HKDC1: variants seen among roughly 807,000 people sequenced by gnomAD.
HKDC1 encodes the protein hexokinase HKDC1.
Under a neutral mutation model 96.6 loss-of-function variants are expected in HKDC1, and 66 were observed. The observed-to-expected ratio is 0.68, with a 90% CI of 0.56 to 0.84. HKDC1 has a LOEUF of 0.84. Ranked by LOEUF, HKDC1 falls within the 40% of genes least tolerant of loss-of-function variation. The probability of loss-of-function intolerance (pLI) is 0.00; values close to 1 mark genes in which losing one functional copy is unlikely to be tolerated. For synonymous variants in HKDC1, 466 were observed against 473.1 expected (o/e 0.98, Z 0.20); for missense variants, 1,211 against 1,208.1 (o/e 1.00, Z -0.04).
At chr10:69,234,423 T>A (rs977538377) in intron 4 of HKDC1, among the ~76,000 whole-genome samples, 1 of 152,270 alleles carries the variant, frequency 6.6e-6, no homozygotes, top group Non-Finnish European at 1.5e-5. Context: ...TATTTATTTT[T>A]ATTTTTTTCT....
chr10:69,251,753 G>C (rs533997395), intron 12 of HKDC1, among the ~76,000 whole-genome samples: 7 of 146,540 alleles, frequency 4.8e-5, no homozygotes, highest in African/African-American at 1.2e-4. Context: ...AAATGGAATT[G>C]TTTTCTTTTC....
chr10:69,243,075 A>T, intron 6 of HKDC1, 107 bp from the exon 7 acceptor site: 1 of 1,144,238 alleles, frequency 8.7e-7, no homozygotes, highest in Non-Finnish European at 1.3e-6. Flanking sequence ...AGGGAATGAA[A>T]AGCACTTTGT....
At chr10:69,236,502 C>T (rs374248610) in intron 4 of HKDC1, among the ~76,000 whole-genome samples, 1 of 151,358 alleles carries the variant, frequency 6.6e-6, no homozygotes, top group East Asian at 2.0e-4. Context: ...AAGGAGAGGC[C>T]GGGCACAGTG....
In HKDC1 at chr10:69,237,724, G is replaced by A. The variant is rs539440234; in HGVS notation, c.496-1318G>A. 2.6e-5 allele frequency among the ~76,000 whole-genome samples: 4 copies of A among 152,318 alleles called. No homozygotes were observed. The South Asian group carries it at 6.2e-4, about 24-fold the overall frequency. ...CCCTGGAGACAGGGATGTTGTCATA[G>A]CCTATGAGAGCAGAAGTTAGGGAGA... On this transcript the variant is annotated intron_variant, in intron 4 of 17. Transcript: ENST00000354624.
chr10:69,245,219 T>C (rs1843521591), intron 7 of HKDC1, among the ~76,000 whole-genome samples: 1 of 152,208 alleles, frequency 6.6e-6, no homozygotes, highest in Admixed American at 6.5e-5. Context: ...AGACTTTTTA[T>C]AGTGAACTAT....
chr10:69,237,489 C>T (rs1843380947), intron 4 of HKDC1, among the ~76,000 whole-genome samples: 1 of 152,168 alleles, frequency 6.6e-6, no homozygotes, highest in Non-Finnish European at 1.5e-5. Context: ...ATATTAAATA[C>T]AAGTGTTATC....
At chr10:69,224,575 G>A (rs891338358) in intron 1 of HKDC1, among the ~76,000 whole-genome samples, 5 of 152,168 alleles carry the variant, frequency 3.3e-5, no homozygotes, top group African/African-American at 9.7e-5. Flanking sequence ...GAGCCACTGC[G>A]CCCGGCCTTG....
chr10:69,250,061 G>A (rs1335672017), intron 10 of HKDC1, among the ~76,000 whole-genome samples: 1 of 152,212 alleles, frequency 6.6e-6, no homozygotes, highest in Non-Finnish European at 1.5e-5. Flanking sequence ...GGTGGTGCCT[G>A]GGACTTTACC....
rs565372898 is a variant in HKDC1 at position 69,265,208 on chromosome 10, G to A, written c.2373-377G>A. 207 of 204,980 alleles carry A rather than the reference G, an allele frequency of 1.0e-3. 1 individual carries two copies. The highest frequency in any genetic ancestry group is 1.4e-3 in the Non-Finnish European group (145 of 103,158). 12.7% of individuals were successfully genotyped at this position (204,980 alleles called of 1,614,324 possible). A position where few individuals can be genotyped will look rare whatever the true frequency, so the allele number is the denominator to read the frequency against. On this transcript the variant is annotated intron_variant, in intron 16 of 17. Coordinates refer to ENST00000354624, the MANE Select transcript of HKDC1 (RefSeq NM_025130.4). ...AAAGTGCGAGAGGTGGTGTGAAAAGGCTTGAATTTGAGCCCCTGCTCTCTA... is the reference window on the plus strand; with the variant it reads ...AAAGTGCGAGAGGTGGTGTGAAAAGACTTGAATTTGAGCCCCTGCTCTCTA...
At chr10:69,255,682 C>T (rs1381472824) in intron 12 of HKDC1, among the ~76,000 whole-genome samples, 2 of 152,000 alleles carry the variant, frequency 1.3e-5, no homozygotes, top group African/African-American at 2.4e-5. Flanking sequence ...TTTGGGAGGC[C>T]GAGGAGGGTG....
chr10:69,234,147 G>A (rs1012342213), intron 4 of HKDC1, among the ~76,000 whole-genome samples: 3 of 152,116 alleles, frequency 2.0e-5, no homozygotes, highest in Non-Finnish European at 2.9e-5. Context: ...TAGTCTCCCC[G>A]GGCCACTCCT....
At chr10:69,226,263 A>G (rs1460482963) in intron 1 of HKDC1, among the ~76,000 whole-genome samples, 1 of 152,182 alleles carries the variant, frequency 6.6e-6, no homozygotes, top group Non-Finnish European at 1.5e-5. Context: ...TCCTGGTTAC[A>G]TGAGTGACAT....
At chr10:69,225,828 A>G (rs1843146198) in intron 1 of HKDC1, 1 of 152,326 alleles carries the variant, frequency 6.6e-6, no homozygotes, top group Non-Finnish European at 1.5e-5. Flanking sequence ...TCACCTGGGG[A>G]CAAGAACTTT....
In HKDC1 at chr10:69,232,753, T is replaced by C; in HGVS notation, c.227-11T>C. 6.2e-7 allele frequency: 1 copy of C among 1,613,734 alleles called. No homozygotes were observed. The highest frequency in any genetic ancestry group is 8.5e-7 in the Non-Finnish European group (1 of 1,179,708). On this transcript the variant is annotated splice_polypyrimidine_tract_variant and intron_variant, in intron 2 of 17. Transcript: ENST00000354624. ...CCTCAATAAATGGAAACTGAATTTG[T>C]TTCTTAATAGAAAATGGGGAGTTCC...
chr10:69,235,033 C>T (rs542848048), intron 4 of HKDC1, among the ~76,000 whole-genome samples: 95 of 152,148 alleles, frequency 6.2e-4, no homozygotes, highest in Non-Finnish European at 9.7e-4. Context: ...GAGGCTGAGG[C>T]GGGAGGATTG....
Position 69,233,034 on chromosome 10 carries a change from C to G in HKDC1, c.396C>G (p.Asp132Glu). 1 of 1,614,138 alleles carries G rather than the reference C, an allele frequency of 6.2e-7. No homozygotes were observed. Among genetic ancestry groups the G allele is most frequent in the South Asian group, 1.1e-5 (1 of 91,090 alleles). ...NGTELFEYVA[D>E]CLADFMKTKD... The stretch of plus-strand genomic sequence containing the variant: ...TGCAGCTGTTTGAATATGTAGCTGA[C>G]TGTCTGGCAGATTTCATGAAGACCA... Residue 132 changes from aspartate (D) to glutamate (E), a missense_variant, in exon 4 of 18, where the codon GAC becomes GAG. Asp to Glu is a conservative substitution (Grantham distance 45). Transcript: ENST00000354624.
At chr10:69,229,751 C>T (rs1231239938) in intron 2 of HKDC1, among the ~76,000 whole-genome samples, 12 of 152,186 alleles carry the variant, frequency 7.9e-5, no homozygotes, top group Admixed American at 4.6e-4. Flanking sequence ...TCCCCATCCC[C>T]GTCTCCGCAG....
In HKDC1 at chr10:69,267,401, A is replaced by T. The variant is rs1322280185; in HGVS notation, c.*644A>T. 2.3e-6 allele frequency: 1 copy of T among 436,256 alleles called. No homozygotes were observed. The highest frequency in any genetic ancestry group is 2.1e-5 in the African/African-American group (1 of 48,634). The allele number at this position is 436,256 out of a possible 1,614,324, so 27.0% of individuals were successfully genotyped here. A position where few individuals can be genotyped will look rare whatever the true frequency, so the allele number is the denominator to read the frequency against. On this transcript the variant is annotated 3_prime_UTR_variant, in exon 18 of 18. Coordinates refer to ENST00000354624, the MANE Select transcript of HKDC1 (RefSeq NM_025130.4). ...AGCACCCTGTAGGATTTTGTTCCTT[A>T]TTAAGTGTGTGCCATGTGGTGGGGT...
At chr10:69,242,734 T>C (rs1018428641) in intron 6 of HKDC1, among the ~76,000 whole-genome samples, 1 of 152,214 alleles carries the variant, frequency 6.6e-6, no homozygotes, top group Admixed American at 6.5e-5. Context: ...ATGCAGCTTA[T>C]GCTAGAAACA....
Sources: allele counts gnomAD v4.1 joint callset (sites outside exome capture counted in the v4.1 genomes callset), GRCh38; gene constraint gnomAD v4.1.1; transcripts MANE v1.5; gene names NCBI Gene and HGNC (gene_info 2026-07-23, HGNC 2026-07-21).